Variants in BRD4 observed in about 807,000 individuals in gnomAD.
BRD4 encodes bromodomain-containing protein 4.
A neutral mutation model predicts 142.1 loss-of-function variants in BRD4; 16 were observed. The ratio of observed to expected loss-of-function variants is 0.11; its 90% CI spans 0.08 to 0.17. The LOEUF (loss-of-function observed/expected upper bound fraction) is 0.17, where lower values mean the gene tolerates loss of function less well. Among genes scored for constraint, BRD4 ranks in the 10% least tolerant of loss-of-function variants. BRD4 has a pLI of 1.00. For synonymous variants in BRD4, 833 were observed against 707.5 expected (o/e 1.18, Z -2.82); for missense variants, 1,424 against 1,810.9 (o/e 0.79, Z 3.88).
chr19:15,279,203 T>C (rs146689620), intron 1 of BRD4, among the ~76,000 whole-genome samples: 201 of 152,274 alleles, frequency 1.3e-3, no homozygotes, highest in African/African-American at 4.7e-3. Flanking sequence ...TTTGGGAAAA[T>C]ATTAGGGATA....
rs778524619 is a variant in BRD4 at position 15,332,501 on chromosome 19, AGCCGCCGCCGCCGCC to A, written c.-261_-247del. On this transcript the variant is annotated 5_prime_UTR_variant, in exon 1 of 20. Coordinates refer to ENST00000679869, the MANE Select transcript of BRD4 (RefSeq NM_001379291.1). ...TGCGGGAGACCAGAACAAACAGCCCAGCCGCCGCCGCCGCCGCCGCCGCCGCCGCCAGCGCACTGA... is the reference window on the plus strand; with the variant it reads ...TGCGGGAGACCAGAACAAACAGCCCAGCCGCCGCCGCCGCCAGCGCACTGA... The A allele has an allele frequency of 7.1e-4, 112 of 157,020 alleles. No homozygotes were observed. The highest frequency in any genetic ancestry group is 1.4e-3 in the African/African-American group (55 of 38,818). The allele number at this position is 157,020 out of a possible 1,614,324, so 9.7% of individuals were successfully genotyped here. A position where few individuals can be genotyped will look rare whatever the true frequency, so the allele number is the denominator to read the frequency against.
chr19:15,272,220 A>G (rs1435931816), intron 2 of BRD4, among the ~76,000 whole-genome samples: 1 of 152,118 alleles, frequency 6.6e-6, no homozygotes, highest in African/African-American at 2.4e-5. Context: ...GCACAAGAGC[A>G]AGTGTGCTGT....
At chr19:15,253,109 C>T in intron 11 of BRD4, 1 of 259,694 alleles carries the variant, frequency 3.9e-6, no homozygotes, top group African/African-American at 2.2e-5. Context: ...TGGATCCCCA[C>T]TCCCCAGTCT....
At chr19:15,300,510 G>T (rs188984913) in intron 1 of BRD4, among the ~76,000 whole-genome samples, 1 of 152,034 alleles carries the variant, frequency 6.6e-6, no homozygotes, top group African/African-American at 2.4e-5. Context: ...AGCAGAGATC[G>T]TGCCACTGCA....
At position 15,238,656 on chromosome 19, in the gene BRD4, C is replaced by G; in HGVS notation, c.4020+87G>C. 6.9e-7 allele frequency: 1 copy of G among 1,457,462 alleles called. No homozygotes were observed. The highest frequency in any genetic ancestry group is 9.1e-7 in the Non-Finnish European group (1 of 1,103,692). The allele number at this position is 1,457,462 out of a possible 1,614,324, so 90.3% of individuals were successfully genotyped here. Reference sequence around the variant, plus strand: ...CAGGGACGGGGCTCCCCCGCTGCCCCTCCCTGTCCAGGCTCCAGTCCCCCT... The same window carrying G: ...CAGGGACGGGGCTCCCCCGCTGCCCGTCCCTGTCCAGGCTCCAGTCCCCCT... On this transcript the variant is annotated intron_variant, in intron 19 of 19. Coordinates refer to ENST00000679869, the MANE Select transcript of BRD4 (RefSeq NM_001379291.1). The surrounding 1 kb of genome is among the most constrained non-coding windows in gnomAD (Gnocchi z 7.2).
chr19:15,304,589 C>T (rs1335792331), intron 1 of BRD4, among the ~76,000 whole-genome samples: 3 of 152,162 alleles, frequency 2.0e-5, no homozygotes, highest in Admixed American at 1.3e-4. Context: ...AGTAAGCTGG[C>T]AGACAATGTA....
chr19:15,243,844 C>G (rs946195153), intron 13 of BRD4, among the ~76,000 whole-genome samples: 2 of 152,170 alleles, frequency 1.3e-5, no homozygotes, highest in East Asian at 3.9e-4. Flanking sequence ...GAGTGCTGTC[C>G]AGGTTCCATG....
chr19:15,322,697 CAAAAA>C (rs78397797), intron 1 of BRD4, among the ~76,000 whole-genome samples: 1 of 92,298 alleles, frequency 1.1e-5, no homozygotes, highest in African/African-American at 4.2e-5. Flanking sequence ...CTAAAAAATA[CAAAAA>C]AAAAAAAAAA....
At chr19:15,298,990 G>A (rs767598765) in intron 1 of BRD4, among the ~76,000 whole-genome samples, 16 of 152,122 alleles carry the variant, frequency 1.1e-4, no homozygotes, top group East Asian at 3.9e-4. Context: ...CTCTTCTGCC[G>A]GCACAGAGCC....
Position 15,243,209 on chromosome 19 carries a change from G to A in BRD4, c.2860C>T (p.Pro954Ser), listed in dbSNP as rs1433940205. The part of the protein sequence containing the change: ...LLPSVKVQSQ[P>S]PPPLPPPPHP... ...GGTGGGGGCGGCAGGGGGGGTGGGGGCTGGGACTGCACCTTCACGGAAGGG... is the reference window on the plus strand; with the variant it reads ...GGTGGGGGCGGCAGGGGGGGTGGGGACTGGGACTGCACCTTCACGGAAGGG... Residue 954 changes from proline (P) to serine (S), a missense_variant, in exon 14 of 20, where the codon CCC becomes TCC. Physicochemically the swap from Pro to Ser is moderately conservative, Grantham distance 74. This residue lies in a region of BRD4 where 598 missense variants were observed against 647.8 expected (regional missense o/e 0.92). Coordinates refer to ENST00000679869, the MANE Select transcript of BRD4 (RefSeq NM_001379291.1). 5.3e-6 allele frequency: 2 copies of A among 380,210 alleles called. No individual in the cohort carries two copies. The allele number at this position is 380,210 out of a possible 1,614,324, so 23.6% of individuals were successfully genotyped here.
At position 15,242,935 on chromosome 19, in the gene BRD4, G is replaced by A. The variant is rs2145510030; in HGVS notation, c.3134C>T (p.Ser1045Leu). ...GGGGTCCGACTTGTGGTGCCGGGGT[G>A]AATGGTGGTGCTGGATGACTTGCTG... ...KPQQVIQHHH[S>L]PRHHKSDPYS... Residue 1045 changes from serine to leucine, a missense_variant, in exon 14 of 20, where the codon TCA (serine) becomes TTA (leucine). Physicochemically the swap from Ser to Leu is moderately radical, Grantham distance 145 (BLOSUM62 -2). Transcript: ENST00000679869. 6.4e-7 allele frequency: 1 copy of A among 1,557,496 alleles called. No homozygotes were observed.
rs1169087196 is a variant in BRD4 at position 15,244,347 on chromosome 19, T to C, written c.2465A>G (p.His822Arg). Residue 822 changes from histidine (H) to arginine (R), a missense_variant, in exon 13 of 20, where the codon CAC becomes CGC. By Grantham distance (29) the His-to-Arg change is conservative. Transcript: ENST00000679869. ...CAGGTGCAGGATGGGCTGGGTGAAG[T>C]GGCCGATGGGGTCAAAGACGCTGCC... is the stretch of plus-strand genomic sequence containing the variant. ...LPGSVFDPIGHFTQPILHLPQ... is the reference protein window; with the variant it reads ...LPGSVFDPIGRFTQPILHLPQ... The C allele has an allele frequency of 6.2e-7, 1 of 1,601,388 alleles. No individual in the cohort carries two copies. Among genetic ancestry groups the C allele is most frequent in the Non-Finnish European group, 8.5e-7 (1 of 1,176,716 alleles).
intron 11 of BRD4, chr19:15,249,006 C>T: frequency 1.8e-6 from 1 of 553,158 alleles, no homozygotes; most frequent in East Asian, 3.0e-5. Context: ...CAGAGGACCC[C>T]AGAGAACCAG....
intron 6 of BRD4, 129 bp from the exon 7 acceptor site, chr19:15,263,677 T>C: frequency 8.4e-7 from 1 of 1,187,430 alleles, no homozygotes; most frequent in East Asian, 2.4e-5. Context: ...GTCAAGACTC[T>C]AGTGGGGGGA....
Position 15,239,905 on chromosome 19 carries a change from GT to G in BRD4, c.3282+4del, listed in dbSNP as rs776518007. The G allele has an allele frequency of 1.9e-5, 31 of 1,614,134 alleles. No homozygotes were observed. In the South Asian group the frequency reaches 3.1e-4, roughly 16 times the overall value. On this transcript the variant is annotated splice_donor_region_variant and intron_variant, in intron 15 of 19. Transcript: ENST00000679869. This position sits in a 1 kb window ranked among gnomAD's most constrained non-coding sequence, Gnocchi z 7.4. ...ACAGGACTATGGCCCAGCCCTGCCA[GT>G]TACCTGTTTCTTAGGCTGGACGTTT... is the stretch of plus-strand genomic sequence containing the variant.
At chr19:15,322,166 T>C (rs539882329) in intron 1 of BRD4, among the ~76,000 whole-genome samples, 89 of 152,340 alleles carry the variant, frequency 5.8e-4, no homozygotes, top group Non-Finnish European at 9.8e-4. Flanking sequence ...AAAGGTTTTA[T>C]GAAATATCCT....
At chr19:15,253,518 G>C (rs200367405) in intron 11 of BRD4, 1 of 1,489,776 alleles carries the variant, frequency 6.7e-7, no homozygotes, top group East Asian at 2.4e-5. Context: ...ACTGCAGGAG[G>C]GACACGCAAG....
rs201249711 is a variant in BRD4, at chr19:15,244,331, G to A, written c.2481C>T (p.Ile827=). Residue 827 remains isoleucine (I), a synonymous_variant, in exon 13 of 20, where the codon ATC becomes ATT. Coordinates refer to ENST00000679869, the MANE Select transcript of BRD4 (RefSeq NM_001379291.1). The stretch of plus-strand genomic sequence containing the variant: ...GCAGCTCAGGCTGCGGCAGGTGCAG[G>A]ATGGGCTGGGTGAAGTGGCCGATGG... ...FDPIGHFTQP[I]LHLPQPELPP... is the part of the protein sequence containing the mutation. 50 of 1,600,160 alleles carry A rather than the reference G, an allele frequency of 3.1e-5. No individual in the cohort carries two copies. Among genetic ancestry groups the A allele is most frequent in the Non-Finnish European group, 4.1e-5 (48 of 1,175,730 alleles).
chr19:15,263,179 GC>G (rs2047492806), intron 7 of BRD4, among the ~76,000 whole-genome samples: 1 of 152,226 alleles, frequency 6.6e-6, no homozygotes, highest in African/African-American at 2.4e-5. Flanking sequence ...CGGTCTTCCA[GC>G]CAAAAGCAAA....
Sources: allele counts gnomAD v4.1 joint callset (sites outside exome capture counted in the v4.1 genomes callset), GRCh38; gene constraint gnomAD v4.1.1; regional missense constraint gnomAD v4.1.1; non-coding constraint Gnocchi (gnomAD v3.1); transcripts MANE v1.5; gene names NCBI Gene and HGNC (gene_info 2026-07-23, HGNC 2026-07-21).